The following MARK2 variants were observed in gnomAD, a reference collection of about 807,000 sequenced individuals.
MARK2 encodes the protein serine/threonine-protein kinase MARK2.
A neutral mutation model predicts 89.8 loss-of-function variants in MARK2; 16 were observed. That is an observed-to-expected ratio of 0.18 (90% CI 0.12 to 0.27). The LOEUF is 0.27. Among genes scored for constraint, MARK2 ranks in the 10% least tolerant of loss-of-function variants. MARK2 has a pLI of 1.00. For missense variants in MARK2, 621 were observed against 1,049.9 expected (o/e 0.59, Z 5.65); for synonymous variants, 382 against 399.5 (o/e 0.96, Z 0.52).
At chr11:63,856,873 T>G (rs2135227494) in intron 1 of MARK2, among the ~76,000 whole-genome samples, 1 of 134,102 alleles carries the variant, frequency 7.5e-6, no homozygotes, top group Non-Finnish European at 1.6e-5. Flanking sequence ...AGTGGCGCCA[T>G]CTCGGCTCAC....
intron 1 of MARK2, among the ~76,000 whole-genome samples, chr11:63,856,335 TTTAA>T (rs2016846791): frequency 3.3e-5 from 2 of 59,980 alleles, no homozygotes; most frequent in Non-Finnish European, 5.1e-5. Flanking sequence ...TTTTTTTTTT[TTTAA>T]ATATATGGCT....
intron 1 of MARK2, among the ~76,000 whole-genome samples, chr11:63,883,989 G>A (rs1939251523): frequency 6.6e-6 from 1 of 152,164 alleles, no homozygotes; most frequent in Non-Finnish European, 1.5e-5. Context: ...ATGTCACTTT[G>A]CTCATGTTCA....
At position 63,895,181 on chromosome 11, in the gene MARK2, C is replaced by T. The variant is rs1304282965; in HGVS notation, c.77C>T (p.Ser26Phe). ...CAGCCCACCTTGGGACACCTTGACTCCAAGCCCAGCAGTAAGTCCAACATG... is the reference window on the plus strand; with the variant it reads ...CAGCCCACCTTGGGACACCTTGACTTCAAGCCCAGCAGTAAGTCCAACATG... ...TEQPTLGHLD[S>F]KPSSKSNMIR... Residue 26 changes from serine to phenylalanine, a missense_variant, in exon 2 of 19, where the codon TCC becomes TTC. This residue lies in a region of MARK2 where 60 missense variants were observed against 73.2 expected (regional missense o/e 0.82). Transcript: ENST00000402010. 6.2e-7 allele frequency: 1 copy of T among 1,613,746 alleles called. No homozygotes were observed. Among genetic ancestry groups the T allele is most frequent in the Admixed American group, 1.7e-5 (1 of 59,972 alleles).
chr11:63,869,926 A>G (rs904432167), intron 1 of MARK2, among the ~76,000 whole-genome samples: 1 of 151,950 alleles, frequency 6.6e-6, no homozygotes, highest in African/African-American at 2.4e-5. Context: ...GAAGACACTC[A>G]GGGCTCGTCT....
rs921165273 is a variant in MARK2, at chr11:63,904,468, G to C, written c.1677-318G>C. ...GCATCACAGGGACTCAATCCTCAAG[G>C]GTTGGTCCCCATTGCCGCCTTGAGG... On this transcript the variant is annotated intron_variant, in intron 15 of 18. Coordinates refer to ENST00000402010, the MANE Select transcript of MARK2 (RefSeq NM_001039469.3). This position sits in a 1 kb window ranked among gnomAD's most constrained non-coding sequence, Gnocchi z 6.3. Among the ~76,000 whole-genome samples the C allele has an allele frequency of 2.0e-5, 3 of 152,048 alleles. No homozygotes were observed. Among genetic ancestry groups the C allele is most frequent in the Non-Finnish European group, 4.4e-5 (3 of 68,008 alleles).
In MARK2 at chr11:63,904,281, C is replaced by A; in HGVS notation, c.1676+134C>A. 2.6e-6 allele frequency: 2 copies of A among 758,302 alleles called. No homozygotes were observed. Among genetic ancestry groups the A allele is most frequent in the South Asian group, 4.0e-5 (2 of 50,456 alleles). The allele number at this position is 758,302 out of a possible 1,614,324, so 47.0% of individuals were successfully genotyped here. A position where few individuals can be genotyped will look rare whatever the true frequency, so the allele number is the denominator to read the frequency against. ...TTAGCCACAAGAAATGGGTCTGTCC[C>A]CTGCGGCCAGGAAGTGGAGGGAACA... On this transcript the variant is annotated intron_variant, in intron 15 of 18. Coordinates refer to ENST00000402010, the MANE Select transcript of MARK2 (RefSeq NM_001039469.3). The surrounding 1 kb of genome is among the most constrained non-coding windows in gnomAD (Gnocchi z 6.3).
chr11:63,907,236 A>G (rs1466166001), intron 17 of MARK2, among the ~76,000 whole-genome samples: 3 of 152,032 alleles, frequency 2.0e-5, no homozygotes, highest in African/African-American at 7.2e-5. Context: ...GGCTTTCCCT[A>G]TCCCCTCCTC....
At chr11:63,907,014 C>T (rs1941394985) in intron 17 of MARK2, among the ~76,000 whole-genome samples, 1 of 152,148 alleles carries the variant, frequency 6.6e-6, no homozygotes, top group African/African-American at 2.4e-5. Context: ...AGGGGTCTCC[C>T]TTCACAGTCC....
At chr11:63,855,527 CAA>C (rs34126066) in intron 1 of MARK2, among the ~76,000 whole-genome samples, 11 of 91,896 alleles carry the variant, frequency 1.2e-4, no homozygotes, top group Admixed American at 3.5e-4. Flanking sequence ...ATTTCAAAAA[CAA>C]AAAAAAAAAA....
intron 1 of MARK2, among the ~76,000 whole-genome samples, chr11:63,870,485 G>A (rs1313666577): frequency 6.6e-6 from 1 of 152,144 alleles, no homozygotes; most frequent in African/African-American, 2.4e-5. Context: ...TCCGAGAAAA[G>A]CGAGAAGACT....
At chr11:63,845,767 G>A (rs1377536620) in intron 1 of MARK2, among the ~76,000 whole-genome samples, 1 of 152,068 alleles carries the variant, frequency 6.6e-6, no homozygotes, top group African/African-American at 2.4e-5. Flanking sequence ...TGGTCACCCA[G>A]GCTGGAGTGC....
chr11:63,902,763 C>G lies in MARK2; in HGVS notation c.1397C>G (p.Thr466Ser), dbSNP rs371964980. The G allele has an allele frequency of 6.2e-7, 1 of 1,612,412 alleles. No individual in the cohort carries two copies. The highest frequency in any genetic ancestry group is 8.5e-7 in the Non-Finnish European group (1 of 1,179,488). ...CTGCCCGGTCTGGAGAGGAAGAAGA[C>G]CACCCCAACCCCCTCCACGGTGAGC... ...SPLPGLERKKTTPTPSTNSVL... is the reference protein window; with the variant it reads ...SPLPGLERKKSTPTPSTNSVL... The change falls in exon 13 of 19, where the codon ACC (threonine) becomes AGC (serine). Residue 466 changes from threonine to serine, a missense_variant. Thr to Ser is a moderately conservative substitution (Grantham distance 58). This residue lies in a region of MARK2 where 397 missense variants were observed against 567.8 expected (regional missense o/e 0.70). Transcript: ENST00000402010. The surrounding 1 kb of genome is among the most constrained non-coding windows in gnomAD (Gnocchi z 4.2).
Position 63,902,081 on chromosome 11 carries a change from G to A in MARK2, c.1102-117G>A, listed in dbSNP as rs890697648. ...GTATTGGTCTTACAAGTGGATGTCC[G>A]GTATGATCCTGGGGTGTTTGAGTGT... On this transcript the variant is annotated intron_variant, in intron 11 of 18. Transcript: ENST00000402010. The surrounding 1 kb of genome is among the most constrained non-coding windows in gnomAD (Gnocchi z 4.2). 1.9e-5 allele frequency: 21 copies of A among 1,105,552 alleles called. No homozygotes were observed. Among genetic ancestry groups the A allele is most frequent in the African/African-American group, 4.7e-5 (3 of 63,714 alleles). 68.5% of individuals were successfully genotyped at this position (1,105,552 alleles called of 1,614,324 possible). A position where few individuals can be genotyped will look rare whatever the true frequency, so the allele number is the denominator to read the frequency against.
At chr11:63,880,147 G>A (rs1294416187) in intron 1 of MARK2, 1 of 141,376 alleles carries the variant, frequency 7.1e-6, no homozygotes, top group Non-Finnish European at 1.5e-5. Context: ...TTTTTTTTAA[G>A]ATCTCATGCT....
At chr11:63,851,253 T>A (rs1402820638) in intron 1 of MARK2, among the ~76,000 whole-genome samples, 1 of 152,150 alleles carries the variant, frequency 6.6e-6, no homozygotes, top group African/African-American at 2.4e-5. Context: ...GAGCAGCAGG[T>A]AAGTTGCTTA....
intron 1 of MARK2, among the ~76,000 whole-genome samples, chr11:63,843,622 T>C (rs1370471983): frequency 1.3e-5 from 2 of 151,876 alleles, no homozygotes; most frequent in Non-Finnish European, 2.9e-5. Flanking sequence ...TATATATATA[T>C]ATAAAACTCT....
At chr11:63,886,943 G>A (rs1014305876) in intron 1 of MARK2, among the ~76,000 whole-genome samples, 1 of 152,254 alleles carries the variant, frequency 6.6e-6, no homozygotes, top group Non-Finnish European at 1.5e-5. Context: ...CTACCAGTGA[G>A]TGAAGGGCCG....
At chr11:63,895,010 C>T (rs1468804448) in intron 1 of MARK2, 149 bp from the exon 2 acceptor site, 26 of 622,054 alleles carry the variant, frequency 4.2e-5, no homozygotes, top group Admixed American at 9.0e-5. Flanking sequence ...TCAGCCCCCT[C>T]TCCTTTCTTC....
chr11:63,857,989 T>A (rs1445796804), intron 1 of MARK2, among the ~76,000 whole-genome samples: 1 of 152,184 alleles, frequency 6.6e-6, no homozygotes, highest in East Asian at 1.9e-4. Flanking sequence ...ATTATAGACA[T>A]GAGCCATTGT....
Sources: allele counts gnomAD v4.1 joint callset (sites outside exome capture counted in the v4.1 genomes callset), GRCh38; gene constraint gnomAD v4.1.1; regional missense constraint gnomAD v4.1.1; non-coding constraint Gnocchi (gnomAD v3.1); transcripts MANE v1.5; gene names NCBI Gene and HGNC (gene_info 2026-07-23, HGNC 2026-07-21).